AMTN: variants seen among roughly 807,000 people sequenced by gnomAD.
AMTN encodes amelotin.
In AMTN, 29 loss-of-function variants were observed where a neutral mutation model predicts 27.4. The ratio of observed to expected loss-of-function variants is 1.06; its 90% CI spans 0.79 to 1.44. The LOEUF (loss-of-function observed/expected upper bound fraction) is 1.44. Ranked by LOEUF, AMTN falls within the 40% of genes most tolerant of loss-of-function variation. The pLI, the probability that AMTN is intolerant of heterozygous loss-of-function variation, is 0.00. For missense variants in AMTN, 247 were observed against 248.8 expected (o/e 0.99, Z 0.05); for synonymous variants, 86 against 95.7 (o/e 0.90, Z 0.59).
At chr4:70,524,021 C>A in intron 4 of AMTN, 88 bp downstream of exon 4, 1 of 1,037,636 alleles carries the variant, frequency 9.6e-7, no homozygotes, top group East Asian at 2.4e-5. Context: ...TATATGGGTG[C>A]GTATATCCAC....
chr4:70,531,024 C>T lies in AMTN; in HGVS notation c.358-15C>T, dbSNP rs1191652026. Reference sequence around the variant, plus strand: ...TGCTTTTAACTTTGTTTTCTGTTTGCTTCCCTCATTCCAGCCACAAATCTT... The same window carrying T: ...TGCTTTTAACTTTGTTTTCTGTTTGTTTCCCTCATTCCAGCCACAAATCTT... On this transcript the variant is annotated splice_polypyrimidine_tract_variant and intron_variant, in intron 7 of 8. Coordinates refer to ENST00000339336, the MANE Select transcript of AMTN (RefSeq NM_212557.4). 6.2e-7 allele frequency: 1 copy of T among 1,612,340 alleles called. No individual in the cohort carries two copies. Among genetic ancestry groups the T allele is most frequent in the African/African-American group, 1.3e-5 (1 of 74,874 alleles).
chr4:70,531,676 T>C (rs1185451485), intron 8 of AMTN, among the ~76,000 whole-genome samples: 1 of 152,124 alleles, frequency 6.6e-6, no homozygotes, highest in African/African-American at 2.4e-5. Flanking sequence ...CACAGCTGGC[T>C]AATTTTTGTA....
At chr4:70,527,100 A>G (rs1005390254) in intron 5 of AMTN, among the ~76,000 whole-genome samples, 6 of 152,112 alleles carry the variant, frequency 3.9e-5, no homozygotes, top group African/African-American at 1.4e-4. Flanking sequence ...TTACTTAACC[A>G]CTCTGTGGCT....
At chr4:70,521,233 A>C (rs562469133) in intron 2 of AMTN, among the ~76,000 whole-genome samples, 16 of 152,132 alleles carry the variant, frequency 1.1e-4, no homozygotes, top group Non-Finnish European at 2.2e-4. Flanking sequence ...ACAAAAAATT[A>C]GCTGGACGTG....
chr4:70,519,699 T>TTTTTTTTA (rs59710367), intron 2 of AMTN, among the ~76,000 whole-genome samples: 3 of 146,194 alleles, frequency 2.1e-5, no homozygotes, highest in Non-Finnish European at 4.4e-5. Flanking sequence ...TAGACATTAA[T>TTTTTTTTA]TTTTTTTTTA....
intron 7 of AMTN, among the ~76,000 whole-genome samples, chr4:70,529,657 T>C (rs959695014): frequency 6.6e-5 from 10 of 152,168 alleles, no homozygotes; most frequent in African/African-American, 2.4e-4. Flanking sequence ...AACTCTTTCC[T>C]ACACACATAA....
intron 7 of AMTN, 29 bp downstream of exon 7, chr4:70,529,239 T>C: frequency 6.8e-7 from 1 of 1,479,064 alleles, no homozygotes; most frequent in Middle Eastern, 1.8e-4. Context: ...CTATTTCAAA[T>C]TATTTTCACT....
At chr4:70,525,539 T>G (rs1002066862) in intron 5 of AMTN, among the ~76,000 whole-genome samples, 1 of 152,202 alleles carries the variant, frequency 6.6e-6, no homozygotes, top group Non-Finnish European at 1.5e-5. Context: ...TTGAAGTGTT[T>G]GCATTTTAAC....
At chr4:70,532,076 G>A (rs1488868330) in intron 8 of AMTN, among the ~76,000 whole-genome samples, 1 of 152,178 alleles carries the variant, frequency 6.6e-6, no homozygotes, top group Non-Finnish European at 1.5e-5. Context: ...GCCTATAGGA[G>A]ACACACTTCA....
chr4:70,529,268 G>T, intron 7 of AMTN, 58 bp downstream of exon 7: 2 of 1,317,066 alleles, frequency 1.5e-6, no homozygotes, highest in Non-Finnish European at 2.1e-6. Flanking sequence ...AATGTTTTCT[G>T]TCCTCATATA....
chr4:70,518,979 A>G (rs1356204544), intron 2 of AMTN, 148 bp downstream of exon 2: 1 of 717,526 alleles, frequency 1.4e-6, no homozygotes, highest in Non-Finnish European at 2.4e-6. Flanking sequence ...CAAGACAGAA[A>G]ATGACAAGCT....
intron 8 of AMTN, among the ~76,000 whole-genome samples, chr4:70,531,714 G>A (rs930132355): frequency 6.6e-6 from 1 of 152,202 alleles, no homozygotes; most frequent in Non-Finnish European, 1.5e-5. Context: ...GTTCAACCAT[G>A]TTGACCAGGC....
chr4:70,528,667 A>G, intron 5 of AMTN, 56 bp from the exon 6 acceptor site: 11 of 1,507,758 alleles, frequency 7.3e-6, no homozygotes, highest in Non-Finnish European at 1.0e-5. Flanking sequence ...AGATATCAGT[A>G]TTTATACCAT....
chr4:70,522,436 G>T (rs946708371), intron 2 of AMTN, among the ~76,000 whole-genome samples: 2 of 152,152 alleles, frequency 1.3e-5, no homozygotes, highest in Non-Finnish European at 2.9e-5. Flanking sequence ...CTAAGGTACA[G>T]ATTATATATT....
At chr4:70,524,776 C>A (rs1054633421) in intron 4 of AMTN, 96 bp from the exon 5 acceptor site, 6 of 1,157,268 alleles carry the variant, frequency 5.2e-6, no homozygotes, top group Non-Finnish European at 7.6e-6. Flanking sequence ...CAACTCCTTC[C>A]TTTAAATATA....
intron 2 of AMTN, among the ~76,000 whole-genome samples, chr4:70,519,622 G>A (rs761634197): frequency 6.6e-6 from 1 of 152,046 alleles, no homozygotes; most frequent in Non-Finnish European, 1.5e-5. Context: ...CATTGTGCTA[G>A]GTGCTGAAGA....
chr4:70,524,665 T>A (rs1338808696), intron 4 of AMTN, among the ~76,000 whole-genome samples: 1 of 151,866 alleles, frequency 6.6e-6, no homozygotes, highest in Non-Finnish European at 1.5e-5. Flanking sequence ...GGGGAAAAGT[T>A]AGCAATAGCC....
At chr4:70,524,740 C>G in intron 4 of AMTN, 132 bp from the exon 5 acceptor site, 1 of 805,932 alleles carries the variant, frequency 1.2e-6, no homozygotes, top group Non-Finnish European at 2.1e-6. Context: ...AGTATACATG[C>G]AATAGAACAC....
intron 2 of AMTN, among the ~76,000 whole-genome samples, chr4:70,519,393 A>G (rs1735898083): frequency 6.6e-6 from 1 of 152,196 alleles, no homozygotes; most frequent in Admixed American, 6.5e-5. Flanking sequence ...TTACTCCATT[A>G]TTTTGTAGAC....
Sources: gnomAD v4.1 joint callset for allele counts (sites outside exome capture counted in the v4.1 genomes callset) on GRCh38, gnomAD v4.1.1 for gene constraint, MANE v1.5 for transcripts, NCBI Gene and HGNC (gene_info 2026-07-23, HGNC 2026-07-21) for gene names.